The following KCNC2 variants were observed in gnomAD, a reference collection of about 807,000 sequenced individuals.
KCNC2 encodes the protein voltage-gated potassium channel KCNC2.
Under a neutral mutation model 44.5 loss-of-function variants are expected in KCNC2, and 21 were observed. That is an observed-to-expected ratio of 0.47 (90% CI 0.33 to 0.68). The LOEUF is 0.68. KCNC2 is among the 30% of genes least tolerant of loss of function. The probability of loss-of-function intolerance (pLI) is 0.01; values close to 1 mark genes in which losing one functional copy is unlikely to be tolerated. For synonymous variants in KCNC2, 391 were observed against 339.1 expected (o/e 1.15, Z -1.68); for missense variants, 589 against 826.2 (o/e 0.71, Z 3.52).
intron 2 of KCNC2, among the ~76,000 whole-genome samples, chr12:75,136,527 A>G (rs1442060935): frequency 3.3e-5 from 5 of 152,144 alleles, no homozygotes; most frequent in African/African-American, 1.2e-4. Context: ...AAGATCATTC[A>G]GAGACTATTA....
chr12:75,117,165 C>A (rs1887719637), intron 2 of KCNC2, among the ~76,000 whole-genome samples: 1 of 152,072 alleles, frequency 6.6e-6, no homozygotes, highest in African/African-American at 2.4e-5. Flanking sequence ...TGTCTCTGTA[C>A]ACTGAGAAGC....
intron 2 of KCNC2, among the ~76,000 whole-genome samples, chr12:75,115,135 T>C (rs141552218): frequency 0.024 from 3,527 of 149,474 alleles, 139 homozygotes; most frequent in African/African-American, 0.08. Context: ...AGTGCTGGGA[T>C]TACAAGCGTG....
intron 2 of KCNC2, among the ~76,000 whole-genome samples, chr12:75,151,211 G>C (rs190331153): frequency 6.6e-6 from 1 of 151,998 alleles, no homozygotes; most frequent in African/African-American, 2.4e-5. Flanking sequence ...TTATTTGTAT[G>C]AAACCCTTCC....
intron 2 of KCNC2, among the ~76,000 whole-genome samples, chr12:75,111,396 A>G (rs1193589536): frequency 6.6e-6 from 1 of 152,064 alleles, no homozygotes; most frequent in Non-Finnish European, 1.5e-5. Flanking sequence ...ATTTTCCTCT[A>G]AGAGAACATT....
chr12:75,058,041 G>T (rs1881929427), intron 2 of KCNC2, among the ~76,000 whole-genome samples: 1 of 151,684 alleles, frequency 6.6e-6, no homozygotes, highest in South Asian at 2.1e-4. Flanking sequence ...ATGTGTTATT[G>T]GTATTATCAC....
intron 2 of KCNC2, among the ~76,000 whole-genome samples, chr12:75,148,367 G>A (rs2137447772): frequency 6.6e-6 from 1 of 152,068 alleles, no homozygotes; most frequent in African/African-American, 2.4e-5. Flanking sequence ...TTCAAAATGA[G>A]CTCTCAGGAA....
chr12:75,076,373 C>T (rs1383889362), intron 2 of KCNC2, among the ~76,000 whole-genome samples: 1 of 152,060 alleles, frequency 6.6e-6, no homozygotes, highest in African/African-American at 2.4e-5. Flanking sequence ...CGCGGGTTCA[C>T]GCCATTCTCC....
chr12:75,165,745 A>G (rs1891406893), intron 2 of KCNC2, among the ~76,000 whole-genome samples: 1 of 151,494 alleles, frequency 6.6e-6, no homozygotes, highest in Non-Finnish European at 1.5e-5. Context: ...TTTTCTTAAC[A>G]GTAAATTGTA....
At chr12:75,170,299 A>G (rs1251495942) in intron 2 of KCNC2, among the ~76,000 whole-genome samples, 1 of 151,722 alleles carries the variant, frequency 6.6e-6, no homozygotes, top group Non-Finnish European at 1.5e-5. Context: ...GGGCCACAGA[A>G]ATAGCAGAGT....
chr12:75,116,636 G>A (rs1713773534), intron 2 of KCNC2, among the ~76,000 whole-genome samples: 2 of 152,164 alleles, frequency 1.3e-5, no homozygotes, highest in African/African-American at 4.8e-5. Flanking sequence ...ATTGTATCTT[G>A]AAATTCAGAT....
At chr12:75,116,624 A>C (rs1887678097) in intron 2 of KCNC2, among the ~76,000 whole-genome samples, 1 of 152,218 alleles carries the variant, frequency 6.6e-6, no homozygotes, top group African/African-American at 2.4e-5. Context: ...ACAAAACATG[A>C]TATTGTATCT....
At chr12:75,101,558 C>T (rs1402423385) in intron 2 of KCNC2, among the ~76,000 whole-genome samples, 1 of 152,068 alleles carries the variant, frequency 6.6e-6, no homozygotes, top group African/African-American at 2.4e-5. Flanking sequence ...AAAAGAACAT[C>T]TCTTAAAAAG....
At chr12:75,135,540 A>C (rs552628384) in intron 2 of KCNC2, among the ~76,000 whole-genome samples, 17 of 152,066 alleles carry the variant, frequency 1.1e-4, no homozygotes, top group Non-Finnish European at 2.5e-4. Flanking sequence ...AAATATTTTT[A>C]GTCCAAGTAG....
chr12:75,124,698 TATAAC>T (rs1888278877), intron 2 of KCNC2: 1 of 152,256 alleles, frequency 6.6e-6, no homozygotes. Flanking sequence ...TATTAGTGGT[TATAAC>T]ATTCTGTACA....
chr12:75,170,891 T>A (rs1438470813), intron 2 of KCNC2, among the ~76,000 whole-genome samples: 1 of 151,776 alleles, frequency 6.6e-6, no homozygotes, highest in Non-Finnish European at 1.5e-5. Context: ...GGCTGCATAC[T>A]CATTTGGGGG....
chr12:75,146,567 T>G (rs889195855), intron 2 of KCNC2, among the ~76,000 whole-genome samples: 1 of 152,218 alleles, frequency 6.6e-6, no homozygotes, highest in African/African-American at 2.4e-5. Flanking sequence ...ATAGATTTGT[T>G]TCATATTTTT....
chr12:75,045,731 T>C (rs1353563269), intron 4 of KCNC2, among the ~76,000 whole-genome samples: 1 of 151,988 alleles, frequency 6.6e-6, no homozygotes, highest in Non-Finnish European at 1.5e-5. Flanking sequence ...TTATGCAATA[T>C]GCTTTCTTAA....
chr12:75,108,582 G>T (rs954973134), intron 2 of KCNC2, among the ~76,000 whole-genome samples: 3 of 152,118 alleles, frequency 2.0e-5, no homozygotes, highest in Non-Finnish European at 2.9e-5. Context: ...TGTTTACCAT[G>T]AATAAGCCTT....
intron 2 of KCNC2, among the ~76,000 whole-genome samples, chr12:75,062,628 G>C (rs889911300): frequency 7.2e-5 from 11 of 152,038 alleles, no homozygotes; most frequent in African/African-American, 2.7e-4. Flanking sequence ...AATATGAACT[G>C]AGTGCTTCCT....
Sources: gnomAD v4.1 joint callset for allele counts (sites outside exome capture counted in the v4.1 genomes callset) on GRCh38, gnomAD v4.1.1 for gene constraint, MANE v1.5 for transcripts, NCBI Gene and HGNC (gene_info 2026-07-23, HGNC 2026-07-21) for gene names.